Variants in MIB1 observed in about 807,000 individuals in gnomAD.
MIB1 encodes MIB E3 ubiquitin protein ligase 1, also known as E3 ubiquitin-protein ligase MIB1.
MIB1 carries 278 observed loss-of-function variants against 124.5 expected under a neutral mutation model. That is an observed-to-expected ratio of 2.23 (90% confidence interval 2.02 to 2.47). The LOEUF (loss-of-function observed/expected upper bound fraction) is 2.47, where lower values mean the gene tolerates loss of function less well. MIB1 is among the 30% of genes most tolerant of loss of function. The pLI is 0.00. For missense variants in MIB1, 957 were observed against 1,254.4 expected (o/e 0.76, Z 3.58); for synonymous variants, 446 against 429.4 (o/e 1.04, Z -0.48).
intron 1 of MIB1, among the ~76,000 whole-genome samples, chr18:21,764,946 T>C (rs2041140010): frequency 6.6e-6 from 1 of 152,178 alleles, no homozygotes; most frequent in Admixed American, 6.5e-5. Flanking sequence ...GTGACACTGA[T>C]GTTGACAAGC....
At chr18:21,844,476 C>T (rs964467065) in intron 15 of MIB1, among the ~76,000 whole-genome samples, 8 of 152,132 alleles carry the variant, frequency 5.3e-5, no homozygotes, top group Non-Finnish European at 1.0e-4. Context: ...TATGTGGAGT[C>T]CCACTCTGTC....
At chr18:21,849,956 A>G (rs1259518611) in intron 17 of MIB1, among the ~76,000 whole-genome samples, 5 of 152,166 alleles carry the variant, frequency 3.3e-5, no homozygotes, top group Non-Finnish European at 5.9e-5. Flanking sequence ...TAGTTTGATC[A>G]GGGTCAGCTT....
chr18:21,804,065 A>AATG, intron 10 of MIB1, 51 bp downstream of exon 10: 3 of 1,247,020 alleles, frequency 2.4e-6, no homozygotes, highest in Non-Finnish European at 2.3e-6. Context: ...CCTAGAAATA[A>AATG]TACTTCTATA....
intron 1 of MIB1, among the ~76,000 whole-genome samples, chr18:21,729,794 C>A (rs1198443207): frequency 1.3e-5 from 2 of 151,992 alleles, no homozygotes; most frequent in African/African-American, 2.4e-5. Context: ...CCAGCTCAAG[C>A]CTCTCTTATA....
chr18:21,759,205 A>C (rs1309897916), intron 1 of MIB1, among the ~76,000 whole-genome samples: 1 of 151,156 alleles, frequency 6.6e-6, no homozygotes, highest in Non-Finnish European at 1.5e-5. Context: ...TTTGTATTCT[A>C]TACATATGTG....
chr18:21,743,023 C>G (rs376761091), intron 1 of MIB1, among the ~76,000 whole-genome samples: 20 of 152,178 alleles, frequency 1.3e-4, no homozygotes, highest in African/African-American at 3.4e-4. Flanking sequence ...CTCAAGCAAC[C>G]CTCCTGTCTC....
At chr18:21,744,932 A>G (rs1405719571) in intron 1 of MIB1, among the ~76,000 whole-genome samples, 3 of 152,154 alleles carry the variant, frequency 2.0e-5, no homozygotes, top group Non-Finnish European at 2.9e-5. Context: ...AAGTCCCTCA[A>G]AGGGTCTTGA....
intron 1 of MIB1, among the ~76,000 whole-genome samples, chr18:21,745,944 T>TGATC (rs1460630715): frequency 6.6e-6 from 1 of 152,114 alleles, no homozygotes; most frequent in African/African-American, 2.4e-5. Context: ...TGACCTCAAG[T>TGATC]GATCCATAGC....
At chr18:21,784,094 G>C (rs993497442) in intron 6 of MIB1, among the ~76,000 whole-genome samples, 7 of 148,708 alleles carry the variant, frequency 4.7e-5, no homozygotes, top group Non-Finnish European at 7.4e-5. Flanking sequence ...ATGTCACCAG[G>C]CTGGAGTGCA....
At chr18:21,778,847 C>A (rs997472876) in intron 5 of MIB1, among the ~76,000 whole-genome samples, 1 of 151,838 alleles carries the variant, frequency 6.6e-6, no homozygotes, top group Non-Finnish European at 1.5e-5. Flanking sequence ...TTAATGAGCT[C>A]ATCTATCTTG....
At chr18:21,853,118 G>A (rs1028819436) in intron 17 of MIB1, 22 bp from the exon 18 acceptor site, 5 of 1,530,820 alleles carry the variant, frequency 3.3e-6, no homozygotes, top group Non-Finnish European at 4.5e-6. Flanking sequence ...TGGTCACTGT[G>A]CTGTAACCTC....
intron 1 of MIB1, among the ~76,000 whole-genome samples, chr18:21,748,637 C>T (rs1598590157): frequency 6.6e-6 from 1 of 151,088 alleles, no homozygotes; most frequent in Admixed American, 6.6e-5. Context: ...TGCCGTGTTG[C>T]CCAGGTTGGT....
chr18:21,820,378 T>G (rs890426162), intron 12 of MIB1, among the ~76,000 whole-genome samples: 1 of 152,250 alleles, frequency 6.6e-6, no homozygotes, highest in Non-Finnish European at 1.5e-5. Flanking sequence ...ATTTTTATTT[T>G]GATAATTTTA....
At chr18:21,737,424 A>T (rs1399111109), upstream of MIB1, among the ~76,000 whole-genome samples, 4 of 152,234 alleles carry the variant, frequency 2.6e-5, no homozygotes, top group African/African-American at 7.2e-5. Flanking sequence ...ACTGAAAAAC[A>T]TGCCAAATTT....
At chr18:21,861,909 CT>C (rs199832209) in intron 20 of MIB1, among the ~76,000 whole-genome samples, 8 of 148,288 alleles carry the variant, frequency 5.4e-5, no homozygotes, top group African/African-American at 1.5e-4. Context: ...TTTTGCTTTT[CT>C]TTTTTTTTTG....
intron 1 of MIB1, among the ~76,000 whole-genome samples, chr18:21,726,314 A>T (rs1051012135): frequency 6.6e-6 from 1 of 152,086 alleles, no homozygotes; most frequent in African/African-American, 2.4e-5. Flanking sequence ...ACGCTTTGGG[A>T]GGCTGAGGTG....
chr18:21,746,481 C>G (rs2040914543), intron 1 of MIB1, among the ~76,000 whole-genome samples: 1 of 152,122 alleles, frequency 6.6e-6, no homozygotes, highest in Non-Finnish European at 1.5e-5. Context: ...TTGTAGTGAG[C>G]AAGAAGATTT....
intron 9 of MIB1, among the ~76,000 whole-genome samples, chr18:21,800,497 T>A (rs2041639309): frequency 1.3e-5 from 2 of 152,100 alleles, no homozygotes; most frequent in African/African-American, 4.8e-5. Flanking sequence ...TCCTAGGTTA[T>A]GTTGTGTTTT....
intron 7 of MIB1, among the ~76,000 whole-genome samples, chr18:21,797,638 G>C (rs1295955265): frequency 6.6e-6 from 1 of 152,086 alleles, no homozygotes; most frequent in African/African-American, 2.4e-5. Context: ...TCCAAAAAGG[G>C]TTTAAACATA....
Sources: gnomAD v4.1 joint callset for allele counts (sites outside exome capture counted in the v4.1 genomes callset) on GRCh38, gnomAD v4.1.1 for gene constraint, MANE v1.5 for transcripts, NCBI Gene and HGNC (gene_info 2026-07-23, HGNC 2026-07-21) for gene names.